Variants in BPIFB1 observed in about 807,000 individuals in gnomAD.
BPIFB1 encodes the protein BPI fold-containing family B member 1.
A neutral mutation model predicts 55.1 loss-of-function variants in BPIFB1; 34 were observed. The ratio of observed to expected loss-of-function variants is 0.62; its 90% CI spans 0.47 to 0.82. BPIFB1 has a LOEUF of 0.82. Ranked by LOEUF, BPIFB1 falls within the 40% of genes least tolerant of loss-of-function variation. The pLI is 0.00. For missense variants in BPIFB1, 532 were observed against 593.1 expected (o/e 0.90, Z 1.07); for synonymous variants, 236 against 245.3 (o/e 0.96, Z 0.35).
At chr20:33,297,619 C>G (rs149679741) in intron 7 of BPIFB1, 31 bp downstream of exon 7, 431 of 1,613,162 alleles carry the variant, frequency 2.7e-4, no homozygotes, top group Non-Finnish European at 3.5e-4. Flanking sequence ...CCCACTTTTT[C>G]CTTTACTACG....
intron 13 of BPIFB1, 149 bp from the exon 14 acceptor site, chr20:33,305,853 C>G: frequency 2.4e-6 from 2 of 844,696 alleles, no homozygotes; most frequent in Non-Finnish European, 3.8e-6. Flanking sequence ...TCCCTGGGAG[C>G]CCCCACAGCT....
intron 6 of BPIFB1, among the ~76,000 whole-genome samples, chr20:33,292,820 T>C (rs142783595): frequency 1.4e-3 from 219 of 152,380 alleles, no homozygotes; most frequent in African/African-American, 4.8e-3. Flanking sequence ...CCACTGTAAA[T>C]TCCAAGATGT....
At chr20:33,289,760 G>A (rs560908542) in intron 3 of BPIFB1, 125 bp from the exon 4 acceptor site, 86 of 772,240 alleles carry the variant, frequency 1.1e-4, no homozygotes, top group African/African-American at 1.1e-3. Flanking sequence ...GAGAGGAGTC[G>A]GTGGGCAGGG....
chr20:33,304,721 T>A (rs1340975884), intron 12 of BPIFB1, 125 bp from the exon 13 acceptor site: 4 of 1,081,060 alleles, frequency 3.7e-6, no homozygotes, highest in Non-Finnish European at 5.5e-6. Context: ...AAGGGCTTCA[T>A]GTGGTTCACT....
chr20:33,307,395 A>T (rs1981067446), intron 15 of BPIFB1: 1 of 170,484 alleles, frequency 5.9e-6, no homozygotes, highest in Non-Finnish European at 1.3e-5. Context: ...ATGTAACATC[A>T]GGCTGAGTGG....
At chr20:33,284,719 G>A (rs1435745137) in intron 1 of BPIFB1, among the ~76,000 whole-genome samples, 1 of 152,130 alleles carries the variant, frequency 6.6e-6, no homozygotes, top group East Asian at 1.9e-4. Context: ...AGCTTCCATG[G>A]GGGGCTGGCA....
intron 7 of BPIFB1, among the ~76,000 whole-genome samples, chr20:33,298,304 G>A (rs867651796): frequency 6.6e-6 from 1 of 152,208 alleles, no homozygotes; most frequent in East Asian, 1.9e-4. Flanking sequence ...GGGCAAAGAC[G>A]GAAGGAAGTC....
chr20:33,300,583 G>A (rs1980815240), intron 8 of BPIFB1, among the ~76,000 whole-genome samples: 1 of 152,062 alleles, frequency 6.6e-6, no homozygotes, highest in African/African-American at 2.4e-5. Flanking sequence ...CCCAGACTAG[G>A]TTTCTTTTGT....
intron 15 of BPIFB1, among the ~76,000 whole-genome samples, chr20:33,308,941 C>G (rs1330346135): frequency 4.0e-5 from 6 of 148,868 alleles, no homozygotes; most frequent in Non-Finnish European, 8.9e-5. Flanking sequence ...CATATACACA[C>G]ATACACACAC....
In BPIFB1 at chr20:33,302,999, C is replaced by A; in HGVS notation, c.1065C>A (p.Ala355=). 1 of 1,614,156 alleles carries A rather than the reference C, an allele frequency of 6.2e-7. No individual in the cohort carries two copies. Residue 355 remains alanine, a synonymous_variant, in exon 11 of 16, where the codon GCC becomes GCA. Transcript: ENST00000253354. ...TPEFFIDQGH[A]KVAQLIVLEV... The stretch of plus-strand genomic sequence containing the variant: ...AGTTTTTTATAGACCAAGGCCATGC[C>A]AAGGTGGCCCAACTGATCGTGCTGG...
chr20:33,305,797 A>G (rs1981004855), intron 13 of BPIFB1, among the ~76,000 whole-genome samples: 1 of 152,030 alleles, frequency 6.6e-6, no homozygotes, highest in Admixed American at 6.5e-5. Flanking sequence ...CCCATCTACC[A>G]GGCCCCAGGG....
At position 33,309,825 on chromosome 20, in the gene BPIFB1, G is replaced by C. The variant is rs1981173579; in HGVS notation, c.*58G>C. On this transcript the variant is annotated 3_prime_UTR_variant, in exon 16 of 16. Coordinates refer to ENST00000253354, the MANE Select transcript of BPIFB1 (RefSeq NM_033197.3). The surrounding 1 kb of genome is among the most constrained non-coding windows in gnomAD (Gnocchi z 4.4). ...GTCCCAGCTGGGAGTATGGGTGTGA[G>C]CTCTATAGACCATCCCTCTCTGCAA... 2.1e-6 allele frequency: 3 copies of C among 1,455,416 alleles called. No homozygotes were observed. Among genetic ancestry groups the C allele is most frequent in the Middle Eastern group, 1.8e-4 (1 of 5,678 alleles). The allele number at this position is 1,455,416 out of a possible 1,614,324, so 90.2% of individuals were successfully genotyped here.
rs140457637 is a variant in BPIFB1 at position 33,301,801 on chromosome 20, C to T, written c.927+389C>T. On this transcript the variant is annotated intron_variant, in intron 9 of 15. Transcript: ENST00000253354. ...GGCAGACATCACTAATCGATCAAGGCTCTCCTTTCTACTGAGTCTGGATGC... is the reference window on the plus strand; with the variant it reads ...GGCAGACATCACTAATCGATCAAGGTTCTCCTTTCTACTGAGTCTGGATGC... Among the ~76,000 whole-genome samples the T allele has an allele frequency of 4.0e-3, 606 of 152,308 alleles. 2 individuals are homozygous for T. Among genetic ancestry groups the T allele is most frequent in the Middle Eastern group, 6.8e-3 (2 of 294 alleles).
At chr20:33,292,203 G>A (rs1471562756) in intron 6 of BPIFB1, among the ~76,000 whole-genome samples, 1 of 152,356 alleles carries the variant, frequency 6.6e-6, no homozygotes, top group East Asian at 1.9e-4. Flanking sequence ...TCAGCCAGGA[G>A]CCCGTGAACA....
intron 8 of BPIFB1, 125 bp from the exon 9 acceptor site, chr20:33,301,108 C>T: frequency 1.0e-6 from 1 of 955,284 alleles, no homozygotes; most frequent in South Asian, 1.6e-5. Context: ...GAGCTCCAGG[C>T]TAAGCTTCCT....
chr20:33,299,823 C>A, intron 7 of BPIFB1, 76 bp from the exon 8 acceptor site: 1 of 1,255,670 alleles, frequency 8.0e-7, no homozygotes, highest in Non-Finnish European at 1.2e-6. Context: ...ACAGCTCCAC[C>A]TGGAAGCAGC....
At chr20:33,297,819 C>T (rs1042949518) in intron 7 of BPIFB1, among the ~76,000 whole-genome samples, 1 of 152,180 alleles carries the variant, frequency 6.6e-6, no homozygotes, top group Non-Finnish European at 1.5e-5. Flanking sequence ...TCAGTGGATG[C>T]CCCAAGTTCA....
chr20:33,287,435 T>C (rs1291249243), intron 2 of BPIFB1, among the ~76,000 whole-genome samples: 1 of 152,198 alleles, frequency 6.6e-6, no homozygotes, highest in Non-Finnish European at 1.5e-5. Context: ...GTAAGTTTAA[T>C]GTAAAGAAGT....
intron 6 of BPIFB1, among the ~76,000 whole-genome samples, chr20:33,292,997 C>T (rs1262353815): frequency 6.6e-6 from 1 of 152,268 alleles, no homozygotes; most frequent in Non-Finnish European, 1.5e-5. Flanking sequence ...TCTCAGCTCA[C>T]TGCAACCTCC....
Sources: allele counts gnomAD v4.1 joint callset (sites outside exome capture counted in the v4.1 genomes callset), GRCh38; gene constraint gnomAD v4.1.1; non-coding constraint Gnocchi (gnomAD v3.1); transcripts MANE v1.5; gene names NCBI Gene and HGNC (gene_info 2026-07-23, HGNC 2026-07-21).